ASTN2: variants seen among roughly 807,000 people sequenced by gnomAD.
ASTN2 encodes astrotactin 2.
A neutral mutation model predicts 139.8 loss-of-function variants in ASTN2; 54 were observed. That is an observed-to-expected ratio of 0.39 (90% confidence interval 0.31 to 0.48). The LOEUF (loss-of-function observed/expected upper bound fraction) is 0.48. Ranked by LOEUF, ASTN2 falls within the 20% of genes least tolerant of loss-of-function variation. ASTN2 has a pLI of 0.95. For missense variants in ASTN2, 1,565 were observed against 1,725.1 expected (o/e 0.91, Z 1.64); for synonymous variants, 756 against 719.5 (o/e 1.05, Z -0.81).
intron 13 of ASTN2, among the ~76,000 whole-genome samples, chr9:116,746,832 C>T (rs1829249577): frequency 6.6e-6 from 1 of 152,154 alleles, no homozygotes; most frequent in African/African-American, 2.4e-5. Flanking sequence ...ACCATGAGCA[C>T]TCGAGAGCAA....
At chr9:116,926,088 G>A (rs774612707) in intron 10 of ASTN2, among the ~76,000 whole-genome samples, 2 of 151,824 alleles carry the variant, frequency 1.3e-5, no homozygotes, top group Non-Finnish European at 2.9e-5. Context: ...TACTGTGCAT[G>A]CCATCCCATC....
At position 116,976,777 on chromosome 9, in the gene ASTN2, T is replaced by C; in HGVS notation, c.1600A>G (p.Ser534Gly). The C allele has an allele frequency of 6.2e-7, 1 of 1,613,986 alleles. No homozygotes were observed. The highest frequency in any genetic ancestry group is 8.5e-7 in the Non-Finnish European group (1 of 1,179,870). ...TCAGGGGCATAGCCTTCATGACAGC[T>C]GCACTCTCCTGTAAGTGAAAAGAAA... ...QLCDPETGEC[S>G]CHEGYAPDPV... Residue 534 changes from serine to glycine, a missense_variant, in exon 8 of 23, where the codon AGC becomes GGC. Physicochemically the swap from Ser to Gly is moderately conservative, Grantham distance 56. Transcript: ENST00000313400.
intron 11 of ASTN2, among the ~76,000 whole-genome samples, chr9:116,840,211 AG>A (rs1296780678): frequency 6.7e-6 from 1 of 148,258 alleles, no homozygotes; most frequent in Non-Finnish European, 1.5e-5. Flanking sequence ...ACCGATCAAC[AG>A]GATCCCAAGG....
intron 16 of ASTN2, among the ~76,000 whole-genome samples, chr9:116,686,050 A>G (rs1860187945): frequency 6.6e-6 from 1 of 152,186 alleles, no homozygotes; most frequent in Admixed American, 6.5e-5. Flanking sequence ...CTTATCCCCT[A>G]CCTGCTAATT....
At chr9:117,133,061 T>G (rs566246986) in intron 4 of ASTN2, among the ~76,000 whole-genome samples, 1 of 152,192 alleles carries the variant, frequency 6.6e-6, no homozygotes, top group Non-Finnish European at 1.5e-5. Context: ...AGGGCAGGGT[T>G]GGGGTTCAAA....
intron 19 of ASTN2, among the ~76,000 whole-genome samples, chr9:116,525,766 T>C (rs1390896588): frequency 6.6e-6 from 1 of 152,056 alleles, no homozygotes; most frequent in African/African-American, 2.4e-5. Context: ...TACTATACTG[T>C]CTCCTTGTTG....
chr9:116,753,567 G>A (rs1009936090), intron 13 of ASTN2, among the ~76,000 whole-genome samples: 1 of 152,172 alleles, frequency 6.6e-6, no homozygotes, highest in Non-Finnish European at 1.5e-5. Context: ...CAACACTAAT[G>A]CATGGTGAAT....
chr9:116,677,189 G>T (rs1216318874), intron 16 of ASTN2, among the ~76,000 whole-genome samples: 2 of 152,050 alleles, frequency 1.3e-5, no homozygotes, highest in African/African-American at 4.8e-5. Context: ...TCAGTCTACT[G>T]AATTATTTTT....
At chr9:116,783,895 G>C (rs1416653062) in intron 13 of ASTN2, among the ~76,000 whole-genome samples, 1 of 152,136 alleles carries the variant, frequency 6.6e-6, no homozygotes, top group Non-Finnish European at 1.5e-5. Flanking sequence ...CATTTGTTGA[G>C]AACTTAGTTG....
At chr9:117,019,986 T>C (rs1315981933) in intron 6 of ASTN2, among the ~76,000 whole-genome samples, 4 of 148,214 alleles carry the variant, frequency 2.7e-5, no homozygotes, top group Non-Finnish European at 5.9e-5. Context: ...AACATAAAAA[T>C]AGCCATTCAG....
At chr9:116,596,051 GA>G (rs1439123398) in intron 19 of ASTN2, among the ~76,000 whole-genome samples, 1 of 152,100 alleles carries the variant, frequency 6.6e-6, no homozygotes, top group Non-Finnish European at 1.5e-5. Context: ...CAAATAAATG[GA>G]TGAAGAAAAC....
Position 117,124,663 on chromosome 9 carries a change from C to T in ASTN2, c.1168+16663G>A, listed in dbSNP as rs73529094. On this transcript the variant is annotated intron_variant, in intron 4 of 22. Transcript: ENST00000313400. ...AATCTTCCTTACATGCATTTTAAACCTAAAGGAAGAGATGGGAGAAGTTAT... is the reference window on the plus strand; with the variant it reads ...AATCTTCCTTACATGCATTTTAAACTTAAAGGAAGAGATGGGAGAAGTTAT... Among the ~76,000 whole-genome samples the T allele has an allele frequency of 3.4e-3, 510 of 152,138 alleles. 3 individuals carry two copies. Among genetic ancestry groups the T allele is most frequent in the African/African-American group, 0.012 (487 of 41,504 alleles).
intron 10 of ASTN2, among the ~76,000 whole-genome samples, chr9:116,869,885 C>T (rs902888263): frequency 6.6e-6 from 1 of 151,934 alleles, no homozygotes; most frequent in East Asian, 1.9e-4. Flanking sequence ...GGGAGGATCG[C>T]TTGAGCCCAG....
chr9:116,435,958 C>T (rs1847637283), intron 22 of ASTN2, among the ~76,000 whole-genome samples: 2 of 152,096 alleles, frequency 1.3e-5, no homozygotes, highest in African/African-American at 2.4e-5. Flanking sequence ...TTCTCAGGCA[C>T]GTTAAAGTTT....
At chr9:117,037,269 C>T (rs1838412487) in intron 6 of ASTN2, among the ~76,000 whole-genome samples, 1 of 151,810 alleles carries the variant, frequency 6.6e-6, no homozygotes, top group South Asian at 2.1e-4. Context: ...CCTTTTAATT[C>T]ACCACATTTT....
rs60909208 is a variant in ASTN2, at chr9:116,861,214, T to TACACAC, written c.2040+2363_2040+2368dup. Among the ~76,000 whole-genome samples the TACACAC allele has an allele frequency of 2.6e-3, 367 of 143,760 alleles. 9 individuals are homozygous for TACACAC. The highest frequency in any genetic ancestry group is 7.0e-3 in the African/African-American group (263 of 37,544). The allele number at this position is 143,760 out of a possible 152,430, so 94.3% of individuals were successfully genotyped here. A position where few individuals can be genotyped will look rare whatever the true frequency, so the allele number is the denominator to read the frequency against. ...AAGACAAAGAGAGACAAGCCCAAGCTACACACACACACACACACACACACA... is the reference window on the plus strand; with the variant it reads ...AAGACAAAGAGAGACAAGCCCAAGCTACACACACACACACACACACACACACACACA... On this transcript the variant is annotated intron_variant, in intron 11 of 22. Transcript: ENST00000313400.
At chr9:116,994,152 C>T (rs544572950) in intron 7 of ASTN2, among the ~76,000 whole-genome samples, 2 of 152,058 alleles carry the variant, frequency 1.3e-5, no homozygotes, top group South Asian at 4.1e-4. Context: ...CAAAATTTTT[C>T]TGTAAAGAGC....
intron 4 of ASTN2, among the ~76,000 whole-genome samples, chr9:117,134,014 T>C (rs960920202): frequency 6.6e-6 from 1 of 151,880 alleles, no homozygotes; most frequent in Non-Finnish European, 1.5e-5. Flanking sequence ...ATGTCAAAAC[T>C]TCCTTTGTCA....
At chr9:117,119,492 A>C (rs958495705) in intron 4 of ASTN2, among the ~76,000 whole-genome samples, 1 of 151,774 alleles carries the variant, frequency 6.6e-6, no homozygotes, top group African/African-American at 2.4e-5. Context: ...CCTCTCCAGC[A>C]CCTCCTTCTC....
Sources: gnomAD v4.1 joint callset for allele counts (sites outside exome capture counted in the v4.1 genomes callset) on GRCh38, gnomAD v4.1.1 for gene constraint, MANE v1.5 for transcripts, NCBI Gene and HGNC (gene_info 2026-07-23, HGNC 2026-07-21) for gene names.